The following GABRA3 variants were observed in gnomAD, a reference collection of about 807,000 sequenced individuals.
GABRA3 encodes the protein gamma-aminobutyric acid type A receptor subunit alpha3.
Under a neutral mutation model 30.1 loss-of-function variants are expected in GABRA3, and 10 were observed. That is an observed-to-expected ratio of 0.33 (90% CI 0.20 to 0.56). The LOEUF (loss-of-function observed/expected upper bound fraction) is 0.56, where lower values mean the gene tolerates loss of function less well. Among genes scored for constraint, GABRA3 ranks in the 20% least tolerant of loss-of-function variants. The pLI is 0.89. For missense variants in GABRA3, 233 were observed against 392.0 expected (o/e 0.59, Z 3.42); for synonymous variants, 151 against 146.8 (o/e 1.03, Z -0.21).
At chrX:152,219,176 T>C (rs1937784774) in intron 6 of GABRA3, among the ~76,000 whole-genome samples, 1 of 111,597 alleles carries the variant, frequency 9.0e-6, no homozygotes, top group Non-Finnish European at 1.9e-5. Context: ...TTCTCTTCTC[T>C]GTATATAGTC....
At position 152,378,007 on chromosome X, in the gene GABRA3, C is replaced by T. The variant is rs189960155; in HGVS notation, c.-26-13411G>A. 6.2e-5 allele frequency among the ~76,000 whole-genome samples: 7 copies of T among 112,244 alleles called. No individual in the cohort carries two copies. The East Asian group carries it at 2.0e-3, about 31-fold the overall frequency. ...ACCACAAGCAGGCCTCTCTTACTCTCTTAAGTTTGCAACTCAAATTCACAT... is the reference window on the plus strand; with the variant it reads ...ACCACAAGCAGGCCTCTCTTACTCTTTTAAGTTTGCAACTCAAATTCACAT... On this transcript the variant is annotated intron_variant, in intron 1 of 9. Transcript: ENST00000370314.
At chrX:152,396,721 A>G (rs1238626398) in intron 1 of GABRA3, among the ~76,000 whole-genome samples, 1 of 112,476 alleles carries the variant, frequency 8.9e-6, no homozygotes, top group East Asian at 2.8e-4. Flanking sequence ...TGGAAATCAC[A>G]ACACAATAGC....
At chrX:152,399,025 A>T (rs1176281673) in intron 1 of GABRA3, among the ~76,000 whole-genome samples, 1 of 111,293 alleles carries the variant, frequency 9.0e-6, no homozygotes, top group Non-Finnish European at 1.9e-5. Flanking sequence ...GGGAGAACTA[A>T]TTTCTGGTCA....
intron 1 of GABRA3, among the ~76,000 whole-genome samples, chrX:152,419,755 A>C (rs894562530): frequency 3.6e-5 from 4 of 111,474 alleles, no homozygotes; most frequent in African/African-American, 1.3e-4. Flanking sequence ...TTTTCATCCC[A>C]ATTCATTTTT....
At chrX:152,405,657 A>T (rs1312680319) in intron 1 of GABRA3, among the ~76,000 whole-genome samples, 1 of 110,754 alleles carries the variant, frequency 9.0e-6, no homozygotes, top group Non-Finnish European at 1.9e-5. Context: ...CCACCAAGCA[A>T]ATTCCTGAGG....
In GABRA3 at chrX:152,389,923, T is replaced by TA. The variant is rs370355585; in HGVS notation, c.-26-25328dup. 7.6e-3 allele frequency among the ~76,000 whole-genome samples: 828 copies of TA among 108,717 alleles called. 5 individuals carry two copies. The highest frequency in any genetic ancestry group is 0.021 in the African/African-American group (625 of 29,998). 94.4% of individuals were successfully genotyped at this position (108,717 alleles called of 115,157 possible). ...CATGGAAGGGAAGCATGGTAAATGA[T>TA]AAAAAAAAATATAGGAGCAGAGAGA... On this transcript the variant is annotated intron_variant, in intron 1 of 9. Coordinates refer to ENST00000370314, the MANE Select transcript of GABRA3 (RefSeq NM_000808.4).
At chrX:152,329,001 G>T (rs1940115892) in intron 3 of GABRA3, among the ~76,000 whole-genome samples, 1 of 112,139 alleles carries the variant, frequency 8.9e-6, no homozygotes, top group Non-Finnish European at 1.9e-5. Flanking sequence ...CTTCAGCAAA[G>T]TCTCTGGATA....
intron 3 of GABRA3, among the ~76,000 whole-genome samples, chrX:152,328,364 C>T (rs1488120838): frequency 9.0e-6 from 1 of 111,613 alleles, no homozygotes; most frequent in Admixed American, 9.5e-5. Flanking sequence ...CTAGCATCTT[C>T]CTCATACCAA....
At chrX:152,251,029 T>C (rs767480304) in intron 5 of GABRA3, 14 of 274,805 alleles carry the variant, frequency 5.1e-5, no homozygotes, top group South Asian at 4.2e-5. Context: ...GGTGAATCAA[T>C]TGTGGGGCTG....
chrX:152,292,443 C>G (rs1054063917), intron 3 of GABRA3, among the ~76,000 whole-genome samples: 5 of 111,174 alleles, frequency 4.5e-5, no homozygotes, highest in African/African-American at 1.6e-4. Flanking sequence ...CTCGTTTCTT[C>G]TTTATTAGTC....
chrX:152,206,409 G>A (rs1453930298), intron 7 of GABRA3, among the ~76,000 whole-genome samples: 1 of 112,127 alleles, frequency 8.9e-6, no homozygotes, highest in Non-Finnish European at 1.9e-5. Context: ...CAGTGGAGAC[G>A]TGAGGGGACA....
chrX:152,354,187 T>C (rs1240485468), intron 2 of GABRA3, among the ~76,000 whole-genome samples: 1 of 111,457 alleles, frequency 9.0e-6, no homozygotes, highest in African/African-American at 3.3e-5. Context: ...TAATGATTAA[T>C]AGCATGGACT....
intron 4 of GABRA3, among the ~76,000 whole-genome samples, chrX:152,275,145 T>TA (rs1240188804): frequency 3.6e-5 from 3 of 82,295 alleles, no homozygotes; most frequent in Non-Finnish European, 6.6e-5. Flanking sequence ...TAATATAATA[T>TA]ATATATTTAA....
chrX:152,396,613 A>G (rs1929668869), intron 1 of GABRA3, among the ~76,000 whole-genome samples: 1 of 112,192 alleles, frequency 8.9e-6, no homozygotes, highest in South Asian at 3.7e-4. Flanking sequence ...GAGTAGTAGA[A>G]TCATCCAAAT....
chrX:152,174,451 T>G (rs1319572170), intron 9 of GABRA3, among the ~76,000 whole-genome samples: 3 of 111,930 alleles, frequency 2.7e-5, no homozygotes, highest in Non-Finnish European at 5.6e-5. Context: ...CTCCAGCACC[T>G]GTTGTTTCCT....
At chrX:152,393,934 G>T (rs1233672375) in intron 1 of GABRA3, among the ~76,000 whole-genome samples, 1 of 111,313 alleles carries the variant, frequency 9.0e-6, no homozygotes, top group Non-Finnish European at 1.9e-5. Context: ...ACTATCACAA[G>T]TATCAGCATT....
chrX:152,417,178 A>G lies in GABRA3; in HGVS notation c.-27+33968T>C, dbSNP rs181350715. Among the ~76,000 whole-genome samples, 539 of 108,387 alleles carry G rather than the reference A, an allele frequency of 5.0e-3. 2 individuals carry two copies. Among genetic ancestry groups the G allele is most frequent in the Non-Finnish European group, 8.5e-3 (446 of 52,664 alleles). The allele number at this position is 108,387 out of a possible 115,157, so 94.1% of individuals were successfully genotyped here. On this transcript the variant is annotated intron_variant, in intron 1 of 9. Coordinates refer to ENST00000370314, the MANE Select transcript of GABRA3 (RefSeq NM_000808.4). ...TACAATGAACTCAAACAAATTTACA[A>G]GAAAACAACAAACAACTCCATCAAA...
intron 6 of GABRA3, among the ~76,000 whole-genome samples, chrX:152,209,526 A>G (rs1937611278): frequency 9.0e-6 from 1 of 111,359 alleles, no homozygotes; most frequent in Admixed American, 9.6e-5. Flanking sequence ...CAACTACTAT[A>G]CCCCTAATAT....
At chrX:152,413,303 G>T (rs1158712689) in intron 1 of GABRA3, among the ~76,000 whole-genome samples, 2 of 110,400 alleles carry the variant, frequency 1.8e-5, no homozygotes, top group Non-Finnish European at 3.8e-5. Context: ...GTAATAAACG[G>T]ATTTTATGAG....
Sources: allele counts gnomAD v4.1 joint callset (sites outside exome capture counted in the v4.1 genomes callset), GRCh38; gene constraint gnomAD v4.1.1; transcripts MANE v1.5; gene names NCBI Gene and HGNC (gene_info 2026-07-23, HGNC 2026-07-21).